CMTM4: variants seen among roughly 807,000 people sequenced by gnomAD.
CMTM4 encodes CKLF like MARVEL transmembrane domain containing 4.
Under a neutral mutation model 19.0 loss-of-function variants are expected in CMTM4, and 8 were observed. The observed-to-expected ratio is 0.42, with a 90% CI of 0.25 to 0.76. The LOEUF (loss-of-function observed/expected upper bound fraction) is 0.76, where lower values mean the gene tolerates loss of function less well. CMTM4 is among the 30% of genes least tolerant of loss of function. The pLI, the probability that CMTM4 is intolerant of heterozygous loss-of-function variation, is 0.27. For missense variants in CMTM4, 228 were observed against 290.2 expected, an observed-to-expected ratio of 0.79 and a Z score of 1.56; for synonymous variants, 106 against 121.1, an observed-to-expected ratio of 0.88 and a Z score of 0.82.
intron 1 of CMTM4, among the ~76,000 whole-genome samples, chr16:66,649,624 G>A (rs952326710): frequency 6.6e-6 from 1 of 152,148 alleles, no homozygotes; most frequent in Non-Finnish European, 1.5e-5. Flanking sequence ...AGTGGGAGCA[G>A]GTATGGTCCG....
the CMTM4 span, chr16:66,608,158 C>G: frequency 1.3e-6 from 1 of 784,164 alleles, no homozygotes; most frequent in African/African-American, 1.7e-5. The surrounding 1 kb of genome is among the most constrained non-coding windows in gnomAD (Gnocchi z 5.1). Context: ...GGATTCTAAT[C>G]TGGCTCTGCC....
chr16:66,609,306 G>C, the CMTM4 span: 26 of 742,008 alleles, frequency 3.5e-5, no homozygotes, highest in Non-Finnish European at 5.5e-5. This position sits in a 1 kb window ranked among gnomAD's most constrained non-coding sequence, Gnocchi z 4.4. Flanking sequence ...GCATGTGGGT[G>C]GGGCCAGGAT....
Position 66,621,543 on chromosome 16 carries a change from G to A in CMTM4, c.*515C>T. On this transcript the variant is annotated 3_prime_UTR_variant, in exon 4 of 4. Transcript: ENST00000394106. ...GGACATCAGCTTTCCCCAGCCCTGT[G>A]GCCTTTGGGCTGGTGCTGGCTGCCT... The A allele has an allele frequency of 6.1e-6, 6 of 987,920 alleles. No individual in the cohort carries two copies. Among genetic ancestry groups the A allele is most frequent in the Non-Finnish European group, 6.0e-6 (5 of 831,176 alleles). The allele number at this position is 987,920 out of a possible 1,614,324, so 61.2% of individuals were successfully genotyped here. A position where few individuals can be genotyped will look rare whatever the true frequency, so the allele number is the denominator to read the frequency against.
chr16:66,647,642 G>A (rs1448892174), intron 1 of CMTM4, among the ~76,000 whole-genome samples: 2 of 152,158 alleles, frequency 1.3e-5, no homozygotes, highest in African/African-American at 4.8e-5. Flanking sequence ...ACTCAGAGAA[G>A]TTCAGGATCC....
downstream of CMTM4, chr16:66,609,790 C>T: frequency 6.2e-7 from 1 of 1,612,780 alleles, no homozygotes; most frequent in Non-Finnish European, 8.5e-7. The surrounding 1 kb of genome is among the most constrained non-coding windows in gnomAD (Gnocchi z 4.4). Flanking sequence ...GCTGTTTGTC[C>T]AAGCAGATCT....
At chr16:66,638,732 G>A (rs1223414321) in intron 1 of CMTM4, among the ~76,000 whole-genome samples, 1 of 152,192 alleles carries the variant, frequency 6.6e-6, no homozygotes, top group Non-Finnish European at 1.5e-5. Flanking sequence ...GGTGGTGGGC[G>A]CCTGTAATCC....
rs1167180469 is a variant in CMTM4, at chr16:66,619,438, CTG to C, written c.*2618_*2619del. ...AAACCAATATCGTCCCACCAGAACA[CTG>C]AGAAAAACTAAGGTCGCTCAGCCTT... On this transcript the variant is annotated 3_prime_UTR_variant, in exon 4 of 4. Coordinates refer to ENST00000394106, the MANE Select transcript of CMTM4 (RefSeq NM_181521.3). 3 of 985,452 alleles carry C rather than the reference CTG, an allele frequency of 3.0e-6. No homozygotes were observed. Among genetic ancestry groups the C allele is most frequent in the Non-Finnish European group, 3.6e-6 (3 of 829,946 alleles). The allele number at this position is 985,452 out of a possible 1,614,324, so 61.0% of individuals were successfully genotyped here.
At chr16:66,608,523 TC>T in the CMTM4 span, 1 of 1,566,334 alleles carries the variant, frequency 6.4e-7, no homozygotes, top group African/African-American at 1.4e-5. The surrounding 1 kb of genome is among the most constrained non-coding windows in gnomAD (Gnocchi z 5.1). Flanking sequence ...AGATGAGGAG[TC>T]CAGAGTCGTG....
downstream of CMTM4, among the ~76,000 whole-genome samples, chr16:66,611,925 T>C (rs935048044): frequency 6.6e-6 from 1 of 151,474 alleles, no homozygotes; most frequent in African/African-American, 2.4e-5. Context: ...GACAAGAAAA[T>C]AGCTGTCCTC....
At position 66,617,374 on chromosome 16, in the gene CMTM4, A is replaced by AAATC. The variant is rs746244934; in HGVS notation, c.*4680_*4683dup. On this transcript the variant is annotated 3_prime_UTR_variant, in exon 4 of 4. Transcript: ENST00000394106. Reference sequence around the variant, plus strand: ...GTAGGAAAAACTAGAAAGGAAAAAAAAATCCCAAAGGTTGAAAAACTGTAT... The same window carrying AAATC: ...GTAGGAAAAACTAGAAAGGAAAAAAAAATCAATCCCAAAGGTTGAAAAACTGTAT... 1 of 1,611,744 alleles carries AAATC rather than the reference A, an allele frequency of 6.2e-7. No homozygotes were observed. Among genetic ancestry groups the AAATC allele is most frequent in the South Asian group, 1.1e-5 (1 of 90,338 alleles).
intron 2 of CMTM4, among the ~76,000 whole-genome samples, chr16:66,624,537 C>T (rs2015698768): frequency 6.6e-6 from 1 of 152,104 alleles, no homozygotes; most frequent in Non-Finnish European, 1.5e-5. Flanking sequence ...GAGGCTGAGG[C>T]GGATGGATCA....
the CMTM4 span, among the ~76,000 whole-genome samples, chr16:66,603,305 T>C: frequency 6.6e-6 from 1 of 152,108 alleles, no homozygotes; most frequent in African/African-American, 2.4e-5. Context: ...TTTTATTTTT[T>C]GAGACAGAGT....
At chr16:66,667,568 A>G (rs529445743) in intron 1 of CMTM4, among the ~76,000 whole-genome samples, 25 of 152,260 alleles carry the variant, frequency 1.6e-4, no homozygotes, top group African/African-American at 2.4e-5. Flanking sequence ...ACCTTTTGAT[A>G]TTAACATATG....
In CMTM4 at chr16:66,622,621, T is replaced by C. The variant is rs1432665942; in HGVS notation, c.463-399A>G. 6.6e-6 allele frequency among the ~76,000 whole-genome samples: 1 copy of C among 152,202 alleles called. No homozygotes were observed. Among genetic ancestry groups the C allele is most frequent in the Non-Finnish European group, 1.5e-5 (1 of 68,038 alleles). On this transcript the variant is annotated intron_variant, in intron 3 of 3. Coordinates refer to ENST00000394106, the MANE Select transcript of CMTM4 (RefSeq NM_181521.3). The surrounding 1 kb of genome is among the most constrained non-coding windows in gnomAD (Gnocchi z 4.0). Reference sequence around the variant, plus strand: ...TTTACTGCAACTTCAGGGCCTCTGGTCCCAGATGAGAAAATACAGTGCAGA... The same window carrying C: ...TTTACTGCAACTTCAGGGCCTCTGGCCCCAGATGAGAAAATACAGTGCAGA...
chr16:66,607,768 A>G, the CMTM4 span, among the ~76,000 whole-genome samples: 1 of 150,942 alleles, frequency 6.6e-6, no homozygotes, highest in Non-Finnish European at 1.5e-5. Context: ...GGGGTGGGGT[A>G]AGGTGAGGAC....
intron 1 of CMTM4, among the ~76,000 whole-genome samples, chr16:66,649,472 A>ATCTATCTG (rs1160801932): frequency 6.6e-6 from 1 of 151,346 alleles, no homozygotes; most frequent in Non-Finnish European, 1.5e-5. Context: ...CTATCTATCT[A>ATCTATCTG]TCTATCTATC....
Position 66,623,447 on chromosome 16 carries a change from A to C in CMTM4, c.419T>G (p.Leu140Arg). Residue 140 changes from leucine (L) to arginine (R), a missense_variant, in exon 3 of 4, where the codon CTG (leucine) becomes CGG (arginine). Leu to Arg is a moderately radical substitution (Grantham distance 102). Around this residue, in one of 3 missense-constraint regions of CMTM4, gnomAD observed 200 missense variants for 226.6 expected, o/e 0.88. Transcript: ENST00000394106. The stretch of plus-strand genomic sequence containing the variant: ...TCCGGCTCTATGGTTTAAAGCAGCC[A>C]GTACGATTGAAGCAATAAAGAAAAG... ...AFLFFIASIV[L>R]AALNHRAGAE... 6.2e-7 allele frequency: 1 copy of C among 1,614,110 alleles called. No individual in the cohort carries two copies. The highest frequency in any genetic ancestry group is 8.5e-7 in the Non-Finnish European group (1 of 1,180,004).
the CMTM4 span, chr16:66,604,923 C>A: frequency 6.7e-7 from 1 of 1,497,494 alleles, no homozygotes; most frequent in Non-Finnish European, 8.8e-7. Context: ...CCTCTGCTCT[C>A]TCAAAGGCCG....
In CMTM4 at chr16:66,677,705, A is replaced by AT. The variant is rs1412035267; in HGVS notation, c.186+18634dup. Among the ~76,000 whole-genome samples the AT allele has an allele frequency of 1.3e-3, 191 of 144,972 alleles. 1 individual carries two copies. Among genetic ancestry groups the AT allele is most frequent in the South Asian group, 2.4e-3 (11 of 4,498 alleles). ...ATGGTCCTAAGTGTAGGTGGTCAAG[A>AT]TTTTTTTTTTTTTTGAGACAGAATC... is the stretch of plus-strand genomic sequence containing the variant. On this transcript the variant is annotated intron_variant, in intron 1 of 3. Coordinates refer to ENST00000394106, the MANE Select transcript of CMTM4 (RefSeq NM_181521.3).
Sources: allele counts gnomAD v4.1 joint callset (sites outside exome capture counted in the v4.1 genomes callset), GRCh38; gene constraint gnomAD v4.1.1; regional missense constraint gnomAD v4.1.1; non-coding constraint Gnocchi (gnomAD v3.1); transcripts MANE v1.5; gene names NCBI Gene and HGNC (gene_info 2026-07-23, HGNC 2026-07-21).